MAP3K3: variants seen among roughly 807,000 people sequenced by gnomAD.
MAP3K3 encodes the protein MAP/ERK kinase kinase 3.
MAP3K3 carries 12 observed loss-of-function variants against 80.9 expected under a neutral mutation model. The ratio of observed to expected loss-of-function variants is 0.15; its 90% CI spans 0.10 to 0.24. The LOEUF is 0.24. MAP3K3 is among the 10% of genes least tolerant of loss of function. MAP3K3 has a pLI of 1.00. For synonymous variants in MAP3K3, 272 were observed against 307.1 expected (o/e 0.89, Z 1.19); for missense variants, 596 against 834.7 (o/e 0.71, Z 3.52).
rs1050092623 is a variant in MAP3K3 at position 63,695,266 on chromosome 17, C to A, written c.*1489C>A. 6.6e-6 allele frequency: 1 copy of A among 152,628 alleles called. No individual in the cohort carries two copies. Among genetic ancestry groups the A allele is most frequent in the African/African-American group, 2.4e-5 (1 of 41,438 alleles). The allele number at this position is 152,628 out of a possible 1,614,324, so 9.5% of individuals were successfully genotyped here. ...ATGTAGTTTCTATCGCTGTTTTTAG[C>A]CTTTTCACATCATGTAATGTGAGGC... On this transcript the variant is annotated 3_prime_UTR_variant, in exon 16 of 16. Coordinates refer to ENST00000361733, the MANE Select transcript of MAP3K3 (RefSeq NM_002401.5). The surrounding 1 kb of genome is among the most constrained non-coding windows in gnomAD (Gnocchi z 4.1).
At chr17:63,652,970 A>AT (rs1481362662) in intron 4 of MAP3K3, among the ~76,000 whole-genome samples, 1 of 151,892 alleles carries the variant, frequency 6.6e-6, no homozygotes, top group East Asian at 1.9e-4. Flanking sequence ...GGAGTATCTT[A>AT]TTTTTTTCCC....
Position 63,631,641 on chromosome 17 carries a change from C to G in MAP3K3, c.5-1040C>G, listed in dbSNP as rs532031600. Among the ~76,000 whole-genome samples, 33 of 152,260 alleles carry G rather than the reference C, an allele frequency of 2.2e-4. 1 individual carries two copies. In the South Asian group the frequency reaches 6.8e-3, roughly 32 times the overall value. On this transcript the variant is annotated intron_variant, in intron 1 of 15. Coordinates refer to ENST00000361733, the MANE Select transcript of MAP3K3 (RefSeq NM_002401.5). ...AAAATTTGTACAACATGGAATTGGA[C>G]TGGTTTGTGTTCTGGGTTTTGGCCA...
rs1435697933 is a variant in MAP3K3 at position 63,693,672 on chromosome 17, C to G, written c.1776C>G (p.Ile592Met). The G allele has an allele frequency of 9.3e-6, 15 of 1,609,176 alleles. No homozygotes were observed. The highest frequency in any genetic ancestry group is 1.3e-5 in the Non-Finnish European group (15 of 1,177,130). ...QPTNPQLPSH[I>M]SEHGRDFLRR... ...CCAATCCTCAGCTGCCCTCCCACAT[C>G]TCTGAACATGGCCGGGACTTCCTGA... The change falls in exon 16 of 16, where the codon ATC (isoleucine) becomes ATG (methionine). Residue 592 changes from isoleucine (I) to methionine (M), a missense_variant. Ile to Met is a conservative substitution (Grantham distance 10). Transcript: ENST00000361733. The surrounding 1 kb of genome is among the most constrained non-coding windows in gnomAD (Gnocchi z 4.2).
chr17:63,662,798 C>CT (rs2034920867), intron 5 of MAP3K3, among the ~76,000 whole-genome samples: 2 of 151,824 alleles, frequency 1.3e-5, no homozygotes, highest in East Asian at 3.9e-4. Flanking sequence ...GCTGGGATTA[C>CT]AGGCGTGCGC....
chr17:63,630,481 C>G (rs1394182004), intron 1 of MAP3K3, among the ~76,000 whole-genome samples: 1 of 152,140 alleles, frequency 6.6e-6, no homozygotes, highest in African/African-American at 2.4e-5. Flanking sequence ...CGTGCACCAC[C>G]ATGCCCAGCT....
At chr17:63,680,757 A>G (rs1011399025) in intron 6 of MAP3K3, among the ~76,000 whole-genome samples, 4 of 151,564 alleles carry the variant, frequency 2.6e-5, no homozygotes, top group Non-Finnish European at 4.4e-5. Flanking sequence ...TTGGTTTTAT[A>G]GTCTCTTATC....
At chr17:63,646,185 G>C (rs1445967361) in intron 3 of MAP3K3, 111 bp downstream of exon 3, 2 of 916,870 alleles carry the variant, frequency 2.2e-6, no homozygotes, top group Non-Finnish European at 1.8e-6. Flanking sequence ...GCCACTGGCT[G>C]GGTAATAGGG....
chr17:63,686,157 TC>T (rs1454475014), intron 8 of MAP3K3, among the ~76,000 whole-genome samples: 1 of 152,166 alleles, frequency 6.6e-6, no homozygotes, highest in Admixed American at 6.5e-5. Context: ...ATCTTGCCAC[TC>T]CCTCGCCTCT....
At chr17:63,670,102 CAAA>C (rs112482349) in intron 6 of MAP3K3, among the ~76,000 whole-genome samples, 1 of 127,990 alleles carries the variant, frequency 7.8e-6, no homozygotes, top group African/African-American at 2.9e-5. Context: ...GACCCTGTCT[CAAA>C]AAAAAAAAAA....
chr17:63,632,122 G>GT (rs1280373039), intron 1 of MAP3K3, among the ~76,000 whole-genome samples: 1 of 152,160 alleles, frequency 6.6e-6, no homozygotes, highest in African/African-American at 2.4e-5. Context: ...CAACTGCCCT[G>GT]TTTGAGCGTG....
chr17:63,681,687 A>G (rs1177713480), intron 6 of MAP3K3, 79 bp from the exon 7 acceptor site: 8 of 1,295,692 alleles, frequency 6.2e-6, no homozygotes, highest in Non-Finnish European at 8.0e-6. Flanking sequence ...TCTAGGGCCT[A>G]ATAGTTGGCC....
chr17:63,639,726 A>T (rs1382080255), intron 2 of MAP3K3, among the ~76,000 whole-genome samples: 1 of 152,162 alleles, frequency 6.6e-6, no homozygotes, highest in Non-Finnish European at 1.5e-5. Context: ...AAGTGAATGA[A>T]AGGAAAAAAA....
At chr17:63,673,262 A>G (rs2035146561) in intron 6 of MAP3K3, among the ~76,000 whole-genome samples, 1 of 152,198 alleles carries the variant, frequency 6.6e-6, no homozygotes. Flanking sequence ...AAAATCTTTC[A>G]TATGACAGTT....
At chr17:63,645,394 G>GT (rs2034521905) in intron 2 of MAP3K3, among the ~76,000 whole-genome samples, 2 of 152,262 alleles carry the variant, frequency 1.3e-5, no homozygotes, top group African/African-American at 4.8e-5. Context: ...GCTGGGAACA[G>GT]TGTATAAGAT....
chr17:63,678,502 G>GT (rs1365024128), intron 6 of MAP3K3, among the ~76,000 whole-genome samples: 15 of 152,304 alleles, frequency 9.8e-5, no homozygotes, highest in African/African-American at 3.4e-4. Context: ...TGTTTTCAGA[G>GT]CAATTTTGTT....
At chr17:63,666,428 G>A (rs2035001132) in intron 5 of MAP3K3, among the ~76,000 whole-genome samples, 1 of 152,144 alleles carries the variant, frequency 6.6e-6, no homozygotes, top group African/African-American at 2.4e-5. Context: ...GAGCCCAGGA[G>A]TTTGAGTCCA....
chr17:63,622,959 G>A (rs1383761279), intron 1 of MAP3K3, among the ~76,000 whole-genome samples, 196 bp downstream of exon 1: 1 of 147,442 alleles, frequency 6.8e-6, no homozygotes, highest in Non-Finnish European at 1.5e-5. Flanking sequence ...GCTCCGCGGG[G>A]CGGCCCGGCC....
Position 63,692,164 on chromosome 17 carries a change from C to T in MAP3K3, c.1475-78C>T, listed in dbSNP as rs766899064. On this transcript the variant is annotated intron_variant, in intron 14 of 15. Coordinates refer to ENST00000361733, the MANE Select transcript of MAP3K3 (RefSeq NM_002401.5). The surrounding 1 kb of genome is among the most constrained non-coding windows in gnomAD (Gnocchi z 4.5). ...TAGCCCTGCCCTCTCCAGCAGCTCT[C>T]AGTGACCCGGGGGTGGGGAGGATGG... is the stretch of plus-strand genomic sequence containing the variant. 1 of 1,539,074 alleles carries T rather than the reference C, an allele frequency of 6.5e-7. No homozygotes were observed. The highest frequency in any genetic ancestry group is 8.9e-7 in the Non-Finnish European group (1 of 1,120,390).
At chr17:63,629,306 G>A (rs2034170274) in intron 1 of MAP3K3, among the ~76,000 whole-genome samples, 3 of 152,236 alleles carry the variant, frequency 2.0e-5, no homozygotes, top group South Asian at 4.1e-4. Context: ...TGTATTTTTA[G>A]TAGAGACGGG....
Sources: allele counts gnomAD v4.1 joint callset (sites outside exome capture counted in the v4.1 genomes callset), GRCh38; gene constraint gnomAD v4.1.1; non-coding constraint Gnocchi (gnomAD v3.1); transcripts MANE v1.5; gene names NCBI Gene and HGNC (gene_info 2026-07-23, HGNC 2026-07-21).